CUL1: variants seen among roughly 807,000 people sequenced by gnomAD.
CUL1 encodes cullin-1.
A neutral mutation model predicts 118.0 loss-of-function variants in CUL1; 24 were observed. The observed-to-expected ratio is 0.20, with a 90% CI of 0.15 to 0.29. The LOEUF (loss-of-function observed/expected upper bound fraction) is 0.29. Among genes scored for constraint, CUL1 ranks in the 10% least tolerant of loss-of-function variants. The pLI is 1.00. For missense variants in CUL1, 361 were observed against 933.8 expected (o/e 0.39, Z 7.99); for synonymous variants, 332 against 340.4 (o/e 0.98, Z 0.27).
intron 1 of CUL1, among the ~76,000 whole-genome samples, chr7:148,707,129 G>A (rs1797910081): frequency 6.6e-6 from 1 of 152,148 alleles, no homozygotes; most frequent in African/African-American, 2.4e-5. Context: ...ATATTAACAT[G>A]TTTTGTAGAA....
chr7:148,762,873 G>A (rs960792082), intron 7 of CUL1, among the ~76,000 whole-genome samples: 6 of 152,234 alleles, frequency 3.9e-5, no homozygotes, highest in Admixed American at 6.5e-5. Flanking sequence ...TAGGCCGGGC[G>A]CGGTGGCTCA....
At chr7:148,783,471 A>G in intron 9 of CUL1, 1 of 1,225,826 alleles carries the variant, frequency 8.2e-7, no homozygotes, top group Non-Finnish European at 1.0e-6. Context: ...GAATTGGCAA[A>G]GCAGAACTGT....
At chr7:148,700,204 A>G (rs1797677593) in intron 1 of CUL1, among the ~76,000 whole-genome samples, 1 of 152,204 alleles carries the variant, frequency 6.6e-6, no homozygotes, top group Admixed American at 6.5e-5. Flanking sequence ...TTCCTGTAGT[A>G]GCATTAAAAT....
chr7:148,735,776 A>T (rs1798918544), intron 2 of CUL1, among the ~76,000 whole-genome samples: 1 of 152,174 alleles, frequency 6.6e-6, no homozygotes, highest in Non-Finnish European at 1.5e-5. Context: ...GTGTGTATAT[A>T]TATGTTTATC....
At chr7:148,733,370 T>C (rs927822606) in intron 2 of CUL1, among the ~76,000 whole-genome samples, 1 of 152,208 alleles carries the variant, frequency 6.6e-6, no homozygotes, top group Non-Finnish European at 1.5e-5. Context: ...TTCAGCATCA[T>C]TGTGAGAACT....
intron 9 of CUL1, among the ~76,000 whole-genome samples, chr7:148,771,741 A>C (rs1800220247): frequency 6.6e-6 from 1 of 152,200 alleles, no homozygotes. Flanking sequence ...TGAGCAAGGG[A>C]TAGGAGAAAT....
intron 9 of CUL1, among the ~76,000 whole-genome samples, chr7:148,777,293 G>A (rs1229357149): frequency 6.6e-6 from 1 of 152,238 alleles, no homozygotes; most frequent in Non-Finnish European, 1.5e-5. Flanking sequence ...GAGGTGCAGA[G>A]CCATGATTCC....
intron 2 of CUL1, among the ~76,000 whole-genome samples, chr7:148,748,343 G>T (rs1018218703): frequency 7.9e-5 from 12 of 151,812 alleles, no homozygotes; most frequent in African/African-American, 2.9e-4. Context: ...AAAATAAAGG[G>T]CTGGAACAAA....
At chr7:148,734,650 T>C (rs1438302475) in intron 2 of CUL1, among the ~76,000 whole-genome samples, 4 of 152,240 alleles carry the variant, frequency 2.6e-5, no homozygotes, top group African/African-American at 9.6e-5. Context: ...GCATTTCTTA[T>C]TCAATTTATT....
At chr7:148,733,415 G>A (rs930349008) in intron 2 of CUL1, among the ~76,000 whole-genome samples, 6 of 152,094 alleles carry the variant, frequency 3.9e-5, no homozygotes, top group Admixed American at 3.9e-4. Flanking sequence ...TGTTTTTGTA[G>A]AGCCATCTTC....
At chr7:148,782,967 G>C (rs986536813) in intron 9 of CUL1, among the ~76,000 whole-genome samples, 1 of 152,070 alleles carries the variant, frequency 6.6e-6, no homozygotes, top group African/African-American at 2.4e-5. Flanking sequence ...CTGGCAGTGT[G>C]CTTAGCTGTG....
intron 1 of CUL1, among the ~76,000 whole-genome samples, chr7:148,704,606 C>T (rs1295603450): frequency 2.0e-5 from 3 of 152,268 alleles, no homozygotes; most frequent in Admixed American, 6.5e-5. Context: ...GCATTTAGAT[C>T]AATCTTTAAC....
At chr7:148,725,734 C>G (rs754033772) in intron 1 of CUL1, among the ~76,000 whole-genome samples, 10 of 152,204 alleles carry the variant, frequency 6.6e-5, no homozygotes, top group Non-Finnish European at 1.0e-4. Context: ...GTGCCTACTT[C>G]TAACATTTCC....
At chr7:148,704,661 T>C (rs752921057) in intron 1 of CUL1, among the ~76,000 whole-genome samples, 8 of 152,232 alleles carry the variant, frequency 5.3e-5, no homozygotes, top group Non-Finnish European at 7.3e-5. Flanking sequence ...GTATTAATGA[T>C]AAAATGCAAC....
At chr7:148,781,976 G>A (rs1336515562) in intron 9 of CUL1, among the ~76,000 whole-genome samples, 1 of 152,174 alleles carries the variant, frequency 6.6e-6, no homozygotes, top group Admixed American at 6.5e-5. Context: ...GTTGTGACAC[G>A]CAGTTCTTTG....
chr7:148,796,285 T>G (rs1330021616), intron 17 of CUL1, among the ~76,000 whole-genome samples: 3 of 152,248 alleles, frequency 2.0e-5, no homozygotes, highest in African/African-American at 4.8e-5. Context: ...TGCACTGATG[T>G]TGAACCACCC....
At chr7:148,775,267 G>C (rs1200102057) in intron 9 of CUL1, among the ~76,000 whole-genome samples, 12 of 152,180 alleles carry the variant, frequency 7.9e-5, no homozygotes, top group Admixed American at 6.5e-4. Context: ...AAAGAACACT[G>C]TCCAGTCATT....
intron 1 of CUL1, among the ~76,000 whole-genome samples, chr7:148,714,768 C>A (rs577277625): frequency 1.4e-4 from 22 of 152,298 alleles, no homozygotes; most frequent in Admixed American, 7.2e-4. Flanking sequence ...ACATGGTCGT[C>A]TTTATACCAG....
intron 2 of CUL1, among the ~76,000 whole-genome samples, chr7:148,749,245 C>T (rs747902212): frequency 2.6e-5 from 4 of 151,512 alleles, no homozygotes; most frequent in East Asian, 1.9e-4. Context: ...GGAGAAACCC[C>T]GTCTCTACTA....
Sources: allele counts gnomAD v4.1 joint callset (sites outside exome capture counted in the v4.1 genomes callset), GRCh38; gene constraint gnomAD v4.1.1; transcripts MANE v1.5; gene names NCBI Gene and HGNC (gene_info 2026-07-23, HGNC 2026-07-21).